Variants in EYS observed in about 807,000 individuals in gnomAD.
EYS encodes EGF-like photoreceptor maintenance factor, also known as protein eyes shut homolog.
Under a neutral mutation model 282.1 loss-of-function variants are expected in EYS, and 250 were observed. The observed-to-expected ratio is 0.89, with a 90% CI of 0.80 to 0.98. The LOEUF (loss-of-function observed/expected upper bound fraction) is 0.98. Among genes scored for constraint, EYS ranks in the 50% least tolerant of loss-of-function variants. EYS has a pLI of 0.00. For missense variants in EYS, 4,016 were observed against 3,709.0 expected, an observed-to-expected ratio of 1.08 and a Z score of -2.15; for synonymous variants, 1,355 against 1,282.9, an observed-to-expected ratio of 1.06 and a Z score of -1.20.
intron 5 of EYS, among the ~76,000 whole-genome samples, chr6:65,422,821 T>TAC (rs1298265937): frequency 6.6e-6 from 1 of 151,460 alleles, no homozygotes; most frequent in East Asian, 1.9e-4. Flanking sequence ...TATATATATA[T>TAC]ACATATATAC....
intron 19 of EYS, among the ~76,000 whole-genome samples, chr6:64,885,725 T>C (rs1444321486): frequency 2.0e-5 from 3 of 151,822 alleles, no homozygotes; most frequent in African/African-American, 4.8e-5. Context: ...CAAGATTACC[T>C]CTGAAGCCAT....
intron 28 of EYS, among the ~76,000 whole-genome samples, chr6:64,415,848 T>C (rs892691056): frequency 5.9e-5 from 9 of 152,204 alleles, no homozygotes; most frequent in Non-Finnish European, 1.0e-4. Flanking sequence ...TGTATTCCCT[T>C]TGGAAAAACT....
intron 1 of EYS, among the ~76,000 whole-genome samples, chr6:65,651,702 T>C (rs1303797940): frequency 6.6e-6 from 1 of 152,082 alleles, no homozygotes; most frequent in Non-Finnish European, 1.5e-5. Flanking sequence ...ATTATGTCCT[T>C]ACTTTCATGT....
intron 12 of EYS, among the ~76,000 whole-genome samples, chr6:65,262,870 C>A (rs1410862851): frequency 1.3e-5 from 2 of 152,042 alleles, no homozygotes; most frequent in Admixed American, 1.3e-4. Flanking sequence ...CAGTAACTGT[C>A]CATCATATAG....
chr6:65,056,625 G>C (rs924967571), intron 13 of EYS, among the ~76,000 whole-genome samples: 1 of 151,864 alleles, frequency 6.6e-6, no homozygotes, highest in Non-Finnish European at 1.5e-5. Context: ...TTTTTACCGA[G>C]ATTACTTAGG....
intron 8 of EYS, among the ~76,000 whole-genome samples, chr6:65,371,735 CTCTCTCTGTGTGTGTGTGTGTGTGTG>C (rs1765156059): frequency 2.1e-5 from 1 of 47,914 alleles, no homozygotes; most frequent in Non-Finnish European, 4.8e-5. Flanking sequence ...CTCTCTCTCT[CTCTCTCTGTGTGTGTGTGTGTGTGTG>C]TGTGTGTGTG....
chr6:64,389,831 G>C (rs1219022555), intron 28 of EYS, among the ~76,000 whole-genome samples: 6 of 152,256 alleles, frequency 3.9e-5, no homozygotes, highest in Admixed American at 3.9e-4. Context: ...CGCAGAAGAT[G>C]GGTGATTTCT....
intron 35 of EYS, among the ~76,000 whole-genome samples, chr6:63,956,063 A>G (rs183674108): frequency 2.0e-5 from 3 of 152,250 alleles, no homozygotes; most frequent in Admixed American, 2.0e-4. Context: ...CTTGAGAAAC[A>G]TTGCCCATTA....
chr6:65,619,003 T>C (rs943130206), intron 2 of EYS, among the ~76,000 whole-genome samples: 1 of 152,208 alleles, frequency 6.6e-6, no homozygotes, highest in Non-Finnish European at 1.5e-5. Flanking sequence ...TCCAGCTTTT[T>C]TCTTTTGGCT....
chr6:65,423,407 GT>G (rs1269509695), intron 5 of EYS, among the ~76,000 whole-genome samples: 16 of 151,916 alleles, frequency 1.1e-4, no homozygotes, highest in Admixed American at 1.1e-3. Flanking sequence ...GTTCTTCAGT[GT>G]TTTTAGCTGT....
chr6:64,642,466 C>G (rs1412905142), intron 22 of EYS, among the ~76,000 whole-genome samples: 1 of 152,124 alleles, frequency 6.6e-6, no homozygotes, highest in Non-Finnish European at 1.5e-5. Context: ...TTTTCTTCCC[C>G]TAGCTTATAA....
intron 12 of EYS, among the ~76,000 whole-genome samples, chr6:65,136,209 A>G (rs1418862877): frequency 6.6e-6 from 1 of 152,074 alleles, no homozygotes; most frequent in Non-Finnish European, 1.5e-5. Flanking sequence ...TTCTTCATGA[A>G]TAAAAGAAGT....
At chr6:64,288,658 T>C (rs1359757885) in intron 30 of EYS, among the ~76,000 whole-genome samples, 1 of 152,090 alleles carries the variant, frequency 6.6e-6, no homozygotes, top group East Asian at 1.9e-4. Flanking sequence ...CTTTTCTCTC[T>C]TGTGCTCCAC....
At chr6:64,530,920 T>G (rs1468913752) in intron 26 of EYS, among the ~76,000 whole-genome samples, 1 of 152,136 alleles carries the variant, frequency 6.6e-6, no homozygotes, top group African/African-American at 2.4e-5. Flanking sequence ...TTATTCTACT[T>G]ATATTCATTT....
At chr6:63,873,837 G>GT (rs886894514) in intron 35 of EYS, among the ~76,000 whole-genome samples, 75 of 151,898 alleles carry the variant, frequency 4.9e-4, no homozygotes, top group East Asian at 7.7e-4. Flanking sequence ...TTTTTGATGG[G>GT]TTTTTTTTAT....
intron 19 of EYS, among the ~76,000 whole-genome samples, chr6:64,859,990 ATAAC>A (rs1013442436): frequency 6.6e-6 from 1 of 152,194 alleles, no homozygotes; most frequent in African/African-American, 2.4e-5. Flanking sequence ...CATTGAAACA[ATAAC>A]TGCCAAATTT....
intron 2 of EYS, among the ~76,000 whole-genome samples, chr6:65,571,750 T>C (rs893352509): frequency 6.6e-6 from 1 of 152,040 alleles, no homozygotes; most frequent in African/African-American, 2.4e-5. Context: ...GTTCAGTCTA[T>C]ATAGAAAGCT....
In EYS at chr6:65,004,592, C is replaced by T. The variant is rs561411250; in HGVS notation, c.2138-6889G>A. Among the ~76,000 whole-genome samples the T allele has an allele frequency of 4.5e-4, 67 of 147,806 alleles. 3 individuals carry two copies. Among genetic ancestry groups the T allele is most frequent in the African/African-American group, 1.5e-3 (62 of 41,290 alleles). On this transcript the variant is annotated intron_variant, in intron 13 of 42. Transcript: ENST00000503581. Reference sequence around the variant, plus strand: ...CATTTCCAAATCCATTTTCTCTCCACGCACAGCTCCATTCTCACAAGAATC... The same window carrying T: ...CATTTCCAAATCCATTTTCTCTCCATGCACAGCTCCATTCTCACAAGAATC...
intron 12 of EYS, among the ~76,000 whole-genome samples, chr6:65,169,089 G>C (rs1335730120): frequency 2.0e-5 from 3 of 151,380 alleles, no homozygotes; most frequent in Non-Finnish European, 3.0e-5. Context: ...TAATGTACTT[G>C]TATTGTTATG....
Sources: gnomAD v4.1 joint callset for allele counts (sites outside exome capture counted in the v4.1 genomes callset) on GRCh38, gnomAD v4.1.1 for gene constraint, MANE v1.5 for transcripts, NCBI Gene and HGNC (gene_info 2026-07-23, HGNC 2026-07-21) for gene names.